The following SLC25A48 variants were observed in gnomAD, a reference collection of about 807,000 sequenced individuals.
SLC25A48 encodes the protein CTC-321K16.1.
SLC25A48 carries 29 observed loss-of-function variants against 32.2 expected under a neutral mutation model. That is an observed-to-expected ratio of 0.90 (90% CI 0.67 to 1.23). The LOEUF is 1.23. Among genes scored for constraint, SLC25A48 ranks in the 50% most tolerant of loss-of-function variants. The pLI, the probability that SLC25A48 is intolerant of heterozygous loss-of-function variation, is 0.00. For missense variants in SLC25A48, 399 were observed against 422.7 expected, an observed-to-expected ratio of 0.94 and a Z score of 0.49; for synonymous variants, 164 against 172.3, an observed-to-expected ratio of 0.95 and a Z score of 0.38.
chr5:135,696,087 C>A (rs999076382), intron 3 of SLC25A48, among the ~76,000 whole-genome samples: 1 of 152,182 alleles, frequency 6.6e-6, no homozygotes, highest in African/African-American at 2.4e-5. Flanking sequence ...AGCCCAAGGG[C>A]GACTGTGGAA....
chr5:135,786,157 A>G (rs1756844330), intron 3 of SLC25A48, among the ~76,000 whole-genome samples: 1 of 151,414 alleles, frequency 6.6e-6, no homozygotes, highest in African/African-American at 2.4e-5. Flanking sequence ...CATGGATCAT[A>G]TCCAAGTGGG....
At chr5:135,784,078 G>A (rs961309639) in intron 3 of SLC25A48, among the ~76,000 whole-genome samples, 1 of 117,598 alleles carries the variant, frequency 8.5e-6, no homozygotes, top group African/African-American at 2.6e-5. Context: ...CGCAGGAGGT[G>A]TACACCCCAC....
chr5:135,768,828 C>A (rs1756318450), intron 3 of SLC25A48, among the ~76,000 whole-genome samples: 1 of 151,722 alleles, frequency 6.6e-6, no homozygotes, highest in Non-Finnish European at 1.5e-5. Context: ...GATGATATTA[C>A]TCGCAATATT....
At chr5:135,783,588 G>A (rs1756771270) in intron 3 of SLC25A48, among the ~76,000 whole-genome samples, 1 of 115,894 alleles carries the variant, frequency 8.6e-6, no homozygotes, top group South Asian at 3.0e-4. Flanking sequence ...CTAATATCCA[G>A]TGGGGGAGAG....
rs761954171 is a variant in SLC25A48, at chr5:135,852,623, G to A, written c.223G>A (p.Val75Met). The A allele has an allele frequency of 1.6e-5, 26 of 1,612,740 alleles. No individual in the cohort carries two copies. The East Asian group carries it at 4.5e-4, about 28-fold the overall frequency. The change falls in exon 4 of 8, where the codon GTG (valine) becomes ATG (methionine). Residue 75 changes from valine to methionine, a missense_variant. Transcript: ENST00000681962. ...PLASIAVYNSVVFGVFSNTQR... is the reference protein window; with the variant it reads ...PLASIAVYNSMVFGVFSNTQR... ...CGCCAGCATTGCCGTCTACAACTCC[G>A]TGGTGTTTGGGGTCTTCAGTAACAC...
chr5:135,749,260 A>G (rs1257969598), intron 3 of SLC25A48, among the ~76,000 whole-genome samples: 2 of 151,536 alleles, frequency 1.3e-5, no homozygotes, highest in African/African-American at 4.9e-5. Context: ...CAACAAGGCT[A>G]TTAAAATGAT....
rs528662780 is a variant in SLC25A48, at chr5:135,716,413, G to A, written c.-521+81457G>A. Among the ~76,000 whole-genome samples, 5 of 152,330 alleles carry A rather than the reference G, an allele frequency of 3.3e-5. No individual in the cohort carries two copies. In the East Asian group the frequency reaches 9.6e-4, roughly 29 times the overall value. On this transcript the variant is annotated intron_variant, in intron 3 of 10. Coordinates refer to the SLC25A48 transcript ENST00000646290. ...TGCATGGTAATCTGGGTTTCAAGAA[G>A]AGGGTGAGCCTATTGCTGACTTATG... is the stretch of plus-strand genomic sequence containing the variant.
At chr5:135,712,006 GCAAGT>G (rs1561458978) in intron 3 of SLC25A48, among the ~76,000 whole-genome samples, 1 of 150,846 alleles carries the variant, frequency 6.6e-6, no homozygotes, top group Admixed American at 6.6e-5. Flanking sequence ...CCAACTTCTC[GCAAGT>G]CTGCTTGAAA....
chr5:135,724,489 C>T (rs73789105), intron 3 of SLC25A48, among the ~76,000 whole-genome samples: 1,538 of 152,310 alleles, frequency 0.01, 35 homozygotes, highest in African/African-American at 0.035. Flanking sequence ...GCTGCTAAGC[C>T]CAAGGTGCCT....
At chr5:135,650,614 CA>C in intron 3 of SLC25A48, 1 of 338,928 alleles carries the variant, frequency 3.0e-6, no homozygotes, top group Non-Finnish European at 5.8e-6. Flanking sequence ...TGTTATTAAG[CA>C]CCTACTGTTA....
intron 4 of SLC25A48, among the ~76,000 whole-genome samples, chr5:135,868,371 T>C (rs1761363599): frequency 1.3e-5 from 2 of 152,124 alleles, no homozygotes; most frequent in African/African-American, 4.8e-5. Context: ...AGAAAGGCTA[T>C]GGAAATGTTC....
chr5:135,700,246 C>T (rs1754359297), intron 3 of SLC25A48, among the ~76,000 whole-genome samples: 2 of 151,524 alleles, frequency 1.3e-5, no homozygotes, highest in Admixed American at 1.3e-4. Flanking sequence ...GTGGCGTGTG[C>T]CTGTAATCCC....
At chr5:135,669,103 T>C (rs1753591351) in intron 3 of SLC25A48, among the ~76,000 whole-genome samples, 1 of 152,180 alleles carries the variant, frequency 6.6e-6, no homozygotes, top group East Asian at 1.9e-4. Flanking sequence ...ACCTGTTCTG[T>C]GATGTCAATG....
intron 1 of SLC25A48, among the ~76,000 whole-genome samples, chr5:135,600,326 C>A (rs1038410605): frequency 6.6e-6 from 1 of 152,216 alleles, no homozygotes; most frequent in African/African-American, 2.4e-5. Flanking sequence ...GCTCACTGCC[C>A]AAGCCCCAAG....
intron 3 of SLC25A48, among the ~76,000 whole-genome samples, chr5:135,789,199 C>CCCCCGCGCGATATTAG (rs1561493813): frequency 8.7e-5 from 3 of 34,468 alleles, no homozygotes; most frequent in Non-Finnish European, 2.3e-4. Context: ...GGTGTACACC[C>CCCCCGCGCGATATTAG]TCCCCCGCCA....
intron 4 of SLC25A48, among the ~76,000 whole-genome samples, chr5:135,819,952 A>G (rs909125291): frequency 3.3e-5 from 5 of 152,158 alleles, no homozygotes; most frequent in African/African-American, 1.2e-4. Context: ...ACTTTTACAC[A>G]TTACTGTTGG....
At chr5:135,759,789 G>A (rs541558217) in intron 3 of SLC25A48, among the ~76,000 whole-genome samples, 12 of 151,994 alleles carry the variant, frequency 7.9e-5, no homozygotes, top group African/African-American at 2.9e-4. Context: ...GAAGCTGCGG[G>A]ATTGAAGAGC....
intron 1 of SLC25A48, among the ~76,000 whole-genome samples, chr5:135,616,855 G>C (rs1014618352): frequency 6.6e-6 from 1 of 152,140 alleles, no homozygotes; most frequent in East Asian, 1.9e-4. Context: ...GTTGGATTTG[G>C]TTTGCTAGTA....
chr5:135,835,073 A>G, intron 1 of SLC25A48, 180 bp downstream of exon 1: 1 of 758,182 alleles, frequency 1.3e-6, no homozygotes, highest in African/African-American at 1.7e-5. Context: ...TGCCAGGGCT[A>G]AATTCTGAGA....
Sources: gnomAD v4.1 joint callset for allele counts (sites outside exome capture counted in the v4.1 genomes callset) on GRCh38, gnomAD v4.1.1 for gene constraint, MANE v1.5 for transcripts, NCBI Gene and HGNC (gene_info 2026-07-23, HGNC 2026-07-21) for gene names.